Variants in PTPRF observed in about 807,000 individuals in gnomAD.
PTPRF encodes receptor-type tyrosine-protein phosphatase F.
Under a neutral mutation model 201.8 loss-of-function variants are expected in PTPRF, and 59 were observed. The ratio of observed to expected loss-of-function variants is 0.29; its 90% confidence interval spans 0.24 to 0.36. The LOEUF (loss-of-function observed/expected upper bound fraction) is 0.36. Ranked by LOEUF, PTPRF falls within the 10% of genes least tolerant of loss-of-function variation. The pLI is 1.00. For missense variants in PTPRF, 2,132 were observed against 2,690.5 expected, an observed-to-expected ratio of 0.79 and a Z score of 4.59; for synonymous variants, 1,088 against 1,089.7, an observed-to-expected ratio of 1.00 and a Z score of 0.03.
intron 23 of PTPRF, 34 bp from the exon 24 acceptor site, chr1:43,617,411 A>T: frequency 1.2e-6 from 2 of 1,613,128 alleles, no homozygotes; most frequent in Non-Finnish European, 1.7e-6. Flanking sequence ...CTTGGCTCTT[A>T]CCCCACCCCA....
intron 8 of PTPRF, 123 bp from the exon 9 acceptor site, chr1:43,590,849 A>C (rs1650492233): frequency 1.1e-6 from 1 of 907,418 alleles, no homozygotes; most frequent in African/African-American, 1.7e-5. Flanking sequence ...TTTTCAAGGT[A>C]GGCTGTGGGT....
intron 23 of PTPRF, among the ~76,000 whole-genome samples, chr1:43,615,485 A>G (rs971383232): frequency 2.7e-5 from 4 of 149,328 alleles, no homozygotes; most frequent in Non-Finnish European, 4.4e-5. Context: ...TCCTCCAGGA[A>G]GCCTTCTCAG....
intron 5 of PTPRF, among the ~76,000 whole-genome samples, chr1:43,557,630 CAAA>C (rs71036626): frequency 0.33 from 33,360 of 100,692 alleles, 4,115 homozygotes; most frequent in South Asian, 0.49. Context: ...GACTCCATCT[CAAA>C]AAAAAAAAAA....
At position 43,553,569 on chromosome 1, in the gene PTPRF, A is replaced by G. The variant is rs565068107; in HGVS notation, c.169A>G (p.Thr57Ala). 197 of 1,614,166 alleles carry G rather than the reference A, an allele frequency of 1.2e-4. 2 individuals carry two copies. In the South Asian group the frequency reaches 1.9e-3, roughly 16 times the overall value. The change falls in exon 4 of 34, where the codon ACA becomes GCA. Residue 57 changes from threonine (T) to alanine (A), a missense_variant. Coordinates refer to ENST00000359947, the MANE Select transcript of PTPRF (RefSeq NM_002840.5). The surrounding 1 kb of genome is among the most constrained non-coding windows in gnomAD (Gnocchi z 4.1). ...GGVASFVCQA[T>A]GEPKPRITWM... is the part of the protein sequence containing the mutation. ...GGTAGCCTCCTTCGTGTGCCAAGCT[A>G]CAGGAGAACCCAAGCCGCGCATCAC...
intron 7 of PTPRF, among the ~76,000 whole-genome samples, chr1:43,587,566 G>T (rs1305018097): frequency 6.6e-6 from 1 of 152,130 alleles, no homozygotes; most frequent in Non-Finnish European, 1.5e-5. Flanking sequence ...AGCATAGTCT[G>T]GTGCTTATAG....
upstream of PTPRF, among the ~76,000 whole-genome samples, chr1:43,528,939 C>T (rs527608881): frequency 5.3e-5 from 8 of 152,036 alleles, no homozygotes; most frequent in South Asian, 4.2e-4. Context: ...GACAGAGTCC[C>T]GGAAGAGCAG....
intron 1 of PTPRF, among the ~76,000 whole-genome samples, chr1:43,531,964 T>A (rs1240180697): frequency 4.6e-5 from 7 of 152,186 alleles, no homozygotes; most frequent in Admixed American, 3.9e-4. Flanking sequence ...TCCCAGGGTC[T>A]CTCCAGCTGT....
Position 43,598,896 on chromosome 1 carries a change from A to T in PTPRF, c.2296A>T (p.Met766Leu), listed in dbSNP as rs775119587. Residue 766 changes from methionine (M) to leucine (L), a missense_variant, in exon 13 of 34, where the codon ATG becomes TTG. Physicochemically the swap from Met to Leu is conservative, Grantham distance 15. Around this residue, in one of 6 missense-constraint regions of PTPRF, gnomAD observed 818 missense variants for 915.3 expected, o/e 0.89. Transcript: ENST00000359947. ...PRGLPIIQDV[M>L]LAEAQWRPEE... ...TGGACTCCCCATCATCCAAGACGTC[A>T]TGCTAGCCGAGGCCCAGGTGCAGCA... 1 of 1,613,726 alleles carries T rather than the reference A, an allele frequency of 6.2e-7. No individual in the cohort carries two copies. The highest frequency in any genetic ancestry group is 2.2e-5 in the East Asian group (1 of 44,874).
Position 43,546,193 on chromosome 1 carries a change from T to A in PTPRF, c.91+1027T>A, listed in dbSNP as rs1423616562. Among the ~76,000 whole-genome samples the A allele has an allele frequency of 6.6e-6, 1 of 152,130 alleles. No homozygotes were observed. The highest frequency in any genetic ancestry group is 1.5e-5 in the Non-Finnish European group (1 of 68,024). On this transcript the variant is annotated intron_variant, in intron 3 of 33. Coordinates refer to ENST00000359947, the MANE Select transcript of PTPRF (RefSeq NM_002840.5). This position sits in a 1 kb window ranked among gnomAD's most constrained non-coding sequence, Gnocchi z 4.2. ...CACCAGGGCTCTTTCTCCTAATGGC[T>A]CATTAATTATTCAGGAACTGATTCT... is the stretch of plus-strand genomic sequence containing the variant.
At chr1:43,600,435 G>A (rs905126501) in intron 13 of PTPRF, among the ~76,000 whole-genome samples, 4 of 150,922 alleles carry the variant, frequency 2.7e-5, no homozygotes, top group African/African-American at 5.0e-5. Flanking sequence ...GCTCCCGGAG[G>A]ACACTGAAGA....
chr1:43,605,535 C>T lies in PTPRF; in HGVS notation c.3396C>T (p.Phe1132=), dbSNP rs754954516. The T allele has an allele frequency of 6.2e-7, 1 of 1,614,156 alleles. No individual in the cohort carries two copies. Among genetic ancestry groups the T allele is most frequent in the Non-Finnish European group, 8.5e-7 (1 of 1,180,010 alleles). The change falls in exon 19 of 34, where the codon TTC becomes TTT. Residue 1132 remains phenylalanine, a synonymous_variant. Transcript: ENST00000359947. The stretch of plus-strand genomic sequence containing the variant: ...TCCTGCCCTGCCCACCCAGGTGGTT[C>T]TACATTGTTGTGGTGCCCATTGACC... ...HVQDPSLVRW[F]YIVVVPIDRV... is the part of the protein sequence containing the mutation.
intron 7 of PTPRF, among the ~76,000 whole-genome samples, chr1:43,584,521 ACCCTCCTGGT>A (rs963842474): frequency 6.6e-6 from 1 of 151,820 alleles, no homozygotes; most frequent in African/African-American, 2.4e-5. Context: ...CCCTTCCTCT[ACCCTCCTGGT>A]CCCTCGTCCC....
rs771919313 is a variant in PTPRF, at chr1:43,604,099, A to T, written c.2947A>T (p.Thr983Ser). The change falls in exon 16 of 34, where the codon ACT becomes TCT. Residue 983 changes from threonine (T) to serine (S), a missense_variant. Transcript: ENST00000359947. Reference protein sequence around the residue: ...FTLTGLKPDTTYDIKVRAWTS... With the variant: ...FTLTGLKPDTSYDIKVRAWTS... Reference sequence around the variant, plus strand: ...CCTTACTGGCCTCAAGCCAGACACCACTTACGACATCAAGGTCCGCGCATG... The same window carrying T: ...CCTTACTGGCCTCAAGCCAGACACCTCTTACGACATCAAGGTCCGCGCATG... 1.9e-6 allele frequency: 3 copies of T among 1,614,154 alleles called. No homozygotes were observed. The East Asian group carries it at 6.7e-5, about 36-fold the overall frequency.
chr1:43,597,492 A>AGT (rs981451941), intron 11 of PTPRF, among the ~76,000 whole-genome samples: 1 of 152,040 alleles, frequency 6.6e-6, no homozygotes, highest in Non-Finnish European at 1.5e-5. Flanking sequence ...TGTGAGAGTC[A>AGT]GTGTGTGTGA....
chr1:43,597,310 G>C (rs1474642245), intron 11 of PTPRF, among the ~76,000 whole-genome samples: 1 of 151,948 alleles, frequency 6.6e-6, no homozygotes, highest in Non-Finnish European at 1.5e-5. Context: ...TATATGTGGA[G>C]ACTATGTGTG....
Position 43,569,612 on chromosome 1 carries a change from C to T in PTPRF, c.402C>T (p.Phe134=), listed in dbSNP as rs781117381. 2.5e-6 allele frequency: 4 copies of T among 1,609,776 alleles called. No homozygotes were observed. The South Asian group carries it at 3.3e-5, about 13-fold the overall frequency. ...VLEEEQLPPG[F]PSIDMGPQLK... The stretch of plus-strand genomic sequence containing the variant: ...CAGAGGAACAGCTGCCCCCTGGGTT[C>T]CCTTCCATCGACATGGGGCCTCAGC... Residue 134 remains phenylalanine (F), a synonymous_variant, in exon 6 of 34, where the codon TTC becomes TTT. Transcript: ENST00000359947.
At position 43,554,087 on chromosome 1, in the gene PTPRF, A is replaced by C; in HGVS notation, c.379+146A>C. ...GGGTCAGTGAAAGTCAGTGGTGGAC[A>C]GGGATAGTCATTGGATCTGGCCTGG... On this transcript the variant is annotated intron_variant, in intron 5 of 33. Transcript: ENST00000359947. This position sits in a 1 kb window ranked among gnomAD's most constrained non-coding sequence, Gnocchi z 4.1. The C allele has an allele frequency of 8.6e-7, 1 of 1,168,304 alleles. No homozygotes were observed. Among genetic ancestry groups the C allele is most frequent in the Non-Finnish European group, 1.2e-6 (1 of 839,498 alleles). 72.4% of individuals were successfully genotyped at this position (1,168,304 alleles called of 1,614,324 possible).
intron 8 of PTPRF, among the ~76,000 whole-genome samples, chr1:43,590,727 A>G (rs1650456195): frequency 6.6e-6 from 1 of 152,244 alleles, no homozygotes; most frequent in African/African-American, 2.4e-5. Context: ...TGAATCCCAC[A>G]GTTGATATGT....
At chr1:43,544,956 A>G (rs765958573) in intron 2 of PTPRF, 75 bp from the exon 3 acceptor site, 5 of 852,340 alleles carry the variant, frequency 5.9e-6, no homozygotes, top group Middle Eastern at 2.3e-4. Context: ...ACTGGGGGTC[A>G]GAAAGCGTCA....
Sources: gnomAD v4.1 joint callset for allele counts (sites outside exome capture counted in the v4.1 genomes callset) on GRCh38, gnomAD v4.1.1 for gene constraint, gnomAD v4.1.1 regional missense constraint, Gnocchi (gnomAD v3.1) non-coding constraint, MANE v1.5 for transcripts, NCBI Gene and HGNC (gene_info 2026-07-23, HGNC 2026-07-21) for gene names.